Variants in TAFA2 observed in about 807,000 individuals in gnomAD.
TAFA2 encodes the protein chemokine-like protein TAFA-2.
TAFA2 carries 7 observed loss-of-function variants against 18.8 expected under a neutral mutation model. The observed-to-expected ratio is 0.37, with a 90% CI of 0.21 to 0.70. The LOEUF is 0.70. Among genes scored for constraint, TAFA2 ranks in the 30% least tolerant of loss-of-function variants. TAFA2 has a pLI of 0.53. For synonymous variants in TAFA2, 60 were observed against 54.2 expected (o/e 1.11, Z -0.47); for missense variants, 122 against 158.1 (o/e 0.77, Z 1.23).
chr12:62,043,502 C>T (rs144773600), intron 1 of TAFA2, among the ~76,000 whole-genome samples: 5,032 of 151,950 alleles, frequency 0.033, 271 homozygotes, highest in African/African-American at 0.11. Context: ...TTAGGAGATA[C>T]ACCTAATGTT....
At chr12:62,224,448 T>G (rs1382348546) in intron 1 of TAFA2, among the ~76,000 whole-genome samples, 2 of 152,150 alleles carry the variant, frequency 1.3e-5, no homozygotes, top group Non-Finnish European at 2.9e-5. Flanking sequence ...TCTCACTGTG[T>G]CCTTACATGG....
At chr12:61,947,687 G>C (rs1250667761) in intron 1 of TAFA2, among the ~76,000 whole-genome samples, 2 of 152,020 alleles carry the variant, frequency 1.3e-5, no homozygotes, top group African/African-American at 4.8e-5. Context: ...GCTCTAAGAA[G>C]GTCAATTCTC....
At chr12:62,041,220 T>C (rs995743010) in intron 1 of TAFA2, among the ~76,000 whole-genome samples, 5 of 152,174 alleles carry the variant, frequency 3.3e-5, no homozygotes, top group African/African-American at 7.2e-5. Flanking sequence ...GGGAGGTGTC[T>C]TATCCACCTT....
At chr12:61,912,385 T>A (rs911181666) in intron 1 of TAFA2, among the ~76,000 whole-genome samples, 4 of 152,222 alleles carry the variant, frequency 2.6e-5, no homozygotes, top group Non-Finnish European at 4.4e-5. Flanking sequence ...TGGAGATATA[T>A]CGAGTGAAAT....
At chr12:62,071,878 T>C (rs529408790) in intron 1 of TAFA2, among the ~76,000 whole-genome samples, 1 of 152,240 alleles carries the variant, frequency 6.6e-6, no homozygotes, top group South Asian at 2.1e-4. Context: ...GGAAATACAG[T>C]TGTGTTTTGG....
chr12:61,879,504 G>T, intron 1 of TAFA2: 1 of 701,250 alleles, frequency 1.4e-6, no homozygotes, highest in Admixed American at 2.0e-5. Context: ...GTATTGGAGG[G>T]ATCACTGCTG....
At position 62,254,989 on chromosome 12, in the gene TAFA2, T is replaced by C. The variant is rs545968288; in HGVS notation, c.-130+3774A>G. ...ATATAGCTGCAGAATCACTGGACCA[T>C]TGAACAACTCTCTACTTCACTTTGG... On this transcript the variant is annotated intron_variant, in intron 1 of 5. Coordinates refer to the TAFA2 transcript ENST00000551619. Among the ~76,000 whole-genome samples the C allele has an allele frequency of 3.9e-5, 6 of 152,316 alleles. No individual in the cohort carries two copies. The South Asian group carries it at 8.3e-4, about 21-fold the overall frequency.
At chr12:61,722,097 G>A (rs1460262518) in intron 4 of TAFA2, among the ~76,000 whole-genome samples, 3 of 152,028 alleles carry the variant, frequency 2.0e-5, no homozygotes, top group Non-Finnish European at 2.9e-5. Flanking sequence ...ATAATAAATC[G>A]TATGTAAATT....
intron 1 of TAFA2, among the ~76,000 whole-genome samples, chr12:62,237,100 A>C (rs2062841317): frequency 6.6e-6 from 1 of 151,852 alleles, no homozygotes; most frequent in Non-Finnish European, 1.5e-5. Flanking sequence ...TTCTCTTTTG[A>C]GTTTATTTTC....
intron 1 of TAFA2, among the ~76,000 whole-genome samples, chr12:62,153,921 A>ATTATTTTATGTTATGTTATGTTATG (rs1197679735): frequency 8.1e-6 from 1 of 124,024 alleles, no homozygotes; most frequent in African/African-American, 3.2e-5. Flanking sequence ...ACATAACAAA[A>ATTATTTTATGTTATGTTATGTTATG]TTATGTTATG....
intron 1 of TAFA2, among the ~76,000 whole-genome samples, chr12:62,186,706 G>A (rs2062588091): frequency 6.6e-6 from 1 of 152,118 alleles, no homozygotes; most frequent in East Asian, 1.9e-4. Context: ...GAGATTGAAG[G>A]AAGTGATTAA....
At chr12:62,207,889 C>T (rs2062698746) in intron 1 of TAFA2, among the ~76,000 whole-genome samples, 1 of 152,078 alleles carries the variant, frequency 6.6e-6, no homozygotes. Flanking sequence ...CAGTACTGGG[C>T]CCTCCCTGTG....
At chr12:62,184,153 A>G (rs1029096781) in intron 1 of TAFA2, among the ~76,000 whole-genome samples, 2 of 152,192 alleles carry the variant, frequency 1.3e-5, no homozygotes, top group African/African-American at 2.4e-5. Flanking sequence ...ATGAATTTTA[A>G]CCACTCAACA....
At chr12:62,052,795 G>A (rs939176242) in intron 1 of TAFA2, among the ~76,000 whole-genome samples, 6 of 152,158 alleles carry the variant, frequency 3.9e-5, no homozygotes, top group Non-Finnish European at 5.9e-5. Flanking sequence ...AGCCACAAAC[G>A]AAGACTGTAT....
At chr12:61,995,143 G>A (rs1326432603) in intron 1 of TAFA2, among the ~76,000 whole-genome samples, 2 of 152,084 alleles carry the variant, frequency 1.3e-5, no homozygotes, top group Admixed American at 6.6e-5. Flanking sequence ...GTTCTCCAAG[G>A]CTACACATAA....
At chr12:62,229,598 A>G (rs2062803239) in intron 1 of TAFA2, among the ~76,000 whole-genome samples, 1 of 151,266 alleles carries the variant, frequency 6.6e-6, no homozygotes, top group Non-Finnish European at 1.5e-5. Context: ...TTAATGTGCT[A>G]TTGTATTTGG....
At chr12:61,971,378 C>T (rs1363439386) in intron 1 of TAFA2, among the ~76,000 whole-genome samples, 1 of 151,560 alleles carries the variant, frequency 6.6e-6, no homozygotes, top group African/African-American at 2.4e-5. Flanking sequence ...AGGAGATATA[C>T]CTAATGTTAA....
intron 4 of TAFA2, among the ~76,000 whole-genome samples, chr12:61,741,370 TATGTGTATGAAGATA>T (rs1465292428): frequency 6.6e-6 from 1 of 151,966 alleles, no homozygotes; most frequent in Non-Finnish European, 1.5e-5. Flanking sequence ...CACACATATA[TATGTGTATGAAGATA>T]GTCTAGTTGA....
At chr12:62,217,351 C>T (rs1432506465) in intron 1 of TAFA2, among the ~76,000 whole-genome samples, 2 of 152,158 alleles carry the variant, frequency 1.3e-5, no homozygotes, top group Non-Finnish European at 2.9e-5. Context: ...GATTCTGGAT[C>T]AAACCACTCC....
Sources: allele counts gnomAD v4.1 joint callset (sites outside exome capture counted in the v4.1 genomes callset), GRCh38; gene constraint gnomAD v4.1.1; transcripts MANE v1.5; gene names NCBI Gene and HGNC (gene_info 2026-07-23, HGNC 2026-07-21).